OSTC: variants seen among roughly 807,000 people sequenced by gnomAD.
OSTC encodes the protein oligosaccharyltransferase complex non-catalytic subunit.
A neutral mutation model predicts 16.4 loss-of-function variants in OSTC; 16 were observed. The ratio of observed to expected loss-of-function variants is 0.98; its 90% confidence interval spans 0.66 to 1.49. The LOEUF (loss-of-function observed/expected upper bound fraction) is 1.49, where lower values mean the gene tolerates loss of function less well. Among genes scored for constraint, OSTC ranks in the 40% most tolerant of loss-of-function variants. The pLI, the probability that OSTC is intolerant of heterozygous loss-of-function variation, is 0.00. For missense variants in OSTC, 139 were observed against 186.3 expected, an observed-to-expected ratio of 0.75 and a Z score of 1.48; for synonymous variants, 67 against 68.5, an observed-to-expected ratio of 0.98 and a Z score of 0.11.
At chr4:108,654,715 A>G (rs1726655234) in intron 1 of OSTC, among the ~76,000 whole-genome samples, 1 of 152,214 alleles carries the variant, frequency 6.6e-6, no homozygotes, top group African/African-American at 2.4e-5. Context: ...ACAGTGGGAG[A>G]TTGAGAAAAC....
chr4:108,662,260 C>T (rs952479872), intron 3 of OSTC, among the ~76,000 whole-genome samples: 2 of 152,170 alleles, frequency 1.3e-5, no homozygotes, highest in Admixed American at 6.5e-5. Context: ...AATATTTAAA[C>T]TAACATCATT....
At position 108,657,488 on chromosome 4, in the gene OSTC, G is replaced by C. The variant is rs769034932; in HGVS notation, c.272G>C (p.Ser91Thr). The change falls in exon 3 of 4, where the codon AGC (serine) becomes ACC (threonine). Residue 91 changes from serine (S) to threonine (T), a missense_variant. Ser to Thr is a moderately conservative substitution (Grantham distance 58, BLOSUM62 1). Transcript: ENST00000361564. The part of the protein sequence containing the change: ...GQYIMEGLAS[S>T]FLFTMGGLGF... The stretch of plus-strand genomic sequence containing the variant: ...TATATTATGGAAGGACTTGCATCCA[G>C]CTTCCTATTTACAATGGGAGGTTTA... 2 of 1,613,570 alleles carry C rather than the reference G, an allele frequency of 1.2e-6. No individual in the cohort carries two copies. Among genetic ancestry groups the C allele is most frequent in the South Asian group, 2.2e-5 (2 of 91,056 alleles).
At chr4:108,663,251 G>A (rs1399473706) in intron 3 of OSTC, 6 of 455,042 alleles carry the variant, frequency 1.3e-5, no homozygotes, top group South Asian at 9.3e-5. Flanking sequence ...TCGCTCTGTT[G>A]CCCAGGCTGG....
chr4:108,657,845 C>A (rs543712357), intron 3 of OSTC, among the ~76,000 whole-genome samples, 198 bp downstream of exon 3: 1 of 149,876 alleles, frequency 6.7e-6, no homozygotes, highest in South Asian at 2.1e-4. Flanking sequence ...TAGTTGTTAT[C>A]CCCATGAATG....
chr4:108,650,848 C>T (rs961730253), intron 1 of OSTC, 54 bp downstream of exon 1: 1 of 1,611,366 alleles, frequency 6.2e-7, no homozygotes, highest in Admixed American at 1.7e-5. Context: ...TGACCCGCCC[C>T]GGGAGGCGCG....
At chr4:108,666,275 T>TA (rs978606671) in intron 3 of OSTC, among the ~76,000 whole-genome samples, 6 of 152,220 alleles carry the variant, frequency 3.9e-5, no homozygotes, top group Non-Finnish European at 5.9e-5. Context: ...TTTCTTTACA[T>TA]AAAAAAAATT....
intron 3 of OSTC, among the ~76,000 whole-genome samples, chr4:108,660,354 C>T (rs920681419): frequency 4.6e-5 from 7 of 152,042 alleles, no homozygotes; most frequent in Admixed American, 1.3e-4. Flanking sequence ...CTCCTAATGC[C>T]TGGTACCTTG....
intron 2 of OSTC, 23 bp from the exon 3 acceptor site, chr4:108,657,427 A>G (rs372240298): frequency 5.1e-6 from 8 of 1,574,894 alleles, no homozygotes; most frequent in Non-Finnish European, 7.0e-6. Context: ...TTATCTTTCT[A>G]TGGTCATTCT....
chr4:108,661,967 AG>A (rs1422662573), intron 3 of OSTC, among the ~76,000 whole-genome samples: 1 of 152,226 alleles, frequency 6.6e-6, no homozygotes, highest in African/African-American at 2.4e-5. Context: ...CCCTAAAGTC[AG>A]GTGAGGTGTT....
At chr4:108,665,158 A>C (rs1726961886) in intron 3 of OSTC, among the ~76,000 whole-genome samples, 1 of 152,228 alleles carries the variant, frequency 6.6e-6, no homozygotes, top group Admixed American at 6.5e-5. Context: ...TGTGCCAAGC[A>C]CTGGAGGAGA....
At chr4:108,665,357 G>A (rs1390285684) in intron 3 of OSTC, among the ~76,000 whole-genome samples, 6 of 151,642 alleles carry the variant, frequency 4.0e-5, no homozygotes, top group Non-Finnish European at 4.4e-5. Context: ...ACTGAGTGAG[G>A]TTTGCCAGGC....
At chr4:108,667,213 T>G in intron 3 of OSTC, 34 bp from the exon 4 acceptor site, 1 of 1,586,250 alleles carries the variant, frequency 6.3e-7, no homozygotes, top group Non-Finnish European at 8.6e-7. Flanking sequence ...AACAATTCTT[T>G]TCACTTTTTG....
At chr4:108,652,253 T>A (rs1468447834) in intron 1 of OSTC, 1 of 152,202 alleles carries the variant, frequency 6.6e-6, no homozygotes, top group African/African-American at 2.4e-5. Flanking sequence ...CGTTCCATAT[T>A]TTTGCACAGT....
intron 3 of OSTC, among the ~76,000 whole-genome samples, chr4:108,666,623 A>G (rs1379080649): frequency 2.0e-5 from 3 of 151,166 alleles, no homozygotes; most frequent in Non-Finnish European, 4.4e-5. Flanking sequence ...AGGCAGGAGA[A>G]TCGCTTGAAC....
At chr4:108,658,829 G>A (rs549440857) in intron 3 of OSTC, among the ~76,000 whole-genome samples, 1 of 152,198 alleles carries the variant, frequency 6.6e-6, no homozygotes, top group South Asian at 2.1e-4. Flanking sequence ...ACCTGGGGTA[G>A]AATGGGCAAA....
At chr4:108,652,466 G>A (rs1468327096) in intron 1 of OSTC, among the ~76,000 whole-genome samples, 1 of 152,050 alleles carries the variant, frequency 6.6e-6, no homozygotes, top group Non-Finnish European at 1.5e-5. Context: ...AAGTGGAAAG[G>A]TTGCTTTTTA....
At chr4:108,659,101 C>CACAAGTAGCTGGGATTACAG (rs1446841435) in intron 3 of OSTC, among the ~76,000 whole-genome samples, 3 of 151,544 alleles carry the variant, frequency 2.0e-5, no homozygotes, top group Non-Finnish European at 4.4e-5. Flanking sequence ...GCCTCAGCCT[C>CACAAGTAGCTGGGATTACAG]CCAAGTAGCT....
chr4:108,667,107 TA>T, intron 3 of OSTC, 139 bp from the exon 4 acceptor site: 1 of 644,646 alleles, frequency 1.6e-6, no homozygotes, highest in South Asian at 2.5e-5. Context: ...AGGACCATAA[TA>T]AAGAATCACG....
chr4:108,659,009 C>A lies in OSTC; in HGVS notation c.431+1362C>A, dbSNP rs1726785153. ...TTTTTTTTTTTTTGAGATGGAGTCT[C>A]ACATTATTGCCCAGGCTGGAGTGCA... On this transcript the variant is annotated intron_variant, in intron 3 of 3. Transcript: ENST00000361564. 3.4e-5 allele frequency among the ~76,000 whole-genome samples: 4 copies of A among 118,014 alleles called. No homozygotes were observed. The South Asian group carries it at 1.2e-3, about 34-fold the overall frequency. 77.4% of individuals were successfully genotyped at this position (118,014 alleles called of 152,430 possible).
Sources: allele counts gnomAD v4.1 joint callset (sites outside exome capture counted in the v4.1 genomes callset), GRCh38; gene constraint gnomAD v4.1.1; transcripts MANE v1.5; gene names NCBI Gene and HGNC (gene_info 2026-07-23, HGNC 2026-07-21).